Variants in GRIK2 observed in about 807,000 individuals in gnomAD.
The protein encoded by GRIK2 is glutamate receptor ionotropic, kainate 2.
Under a neutral mutation model 100.3 loss-of-function variants are expected in GRIK2, and 32 were observed. That is an observed-to-expected ratio of 0.32 (90% CI 0.24 to 0.43). The LOEUF (loss-of-function observed/expected upper bound fraction) is 0.43, where lower values mean the gene tolerates loss of function less well. Among genes scored for constraint, GRIK2 ranks in the 20% least tolerant of loss-of-function variants. The pLI, the probability that GRIK2 is intolerant of heterozygous loss-of-function variation, is 1.00. For missense variants in GRIK2, 843 were observed against 1,114.9 expected, an observed-to-expected ratio of 0.76 and a Z score of 3.47; for synonymous variants, 417 against 389.4, an observed-to-expected ratio of 1.07 and a Z score of -0.83.
intron 7 of GRIK2, among the ~76,000 whole-genome samples, chr6:101,761,087 T>C (rs1272066582): frequency 6.6e-6 from 1 of 152,122 alleles, no homozygotes; most frequent in Non-Finnish European, 1.5e-5. Flanking sequence ...TAATATTGAG[T>C]GTCCTCTTTT....
intron 10 of GRIK2, among the ~76,000 whole-genome samples, chr6:101,833,525 C>A (rs1156514714): frequency 6.6e-6 from 1 of 152,028 alleles, no homozygotes; most frequent in African/African-American, 2.4e-5. Flanking sequence ...ACAGCATTTT[C>A]TTTTATTATT....
chr6:102,007,032 T>G (rs1795278146), intron 14 of GRIK2, among the ~76,000 whole-genome samples: 1 of 152,138 alleles, frequency 6.6e-6, no homozygotes, highest in South Asian at 2.1e-4. Flanking sequence ...GAACCTATTA[T>G]GTATAAAAAG....
chr6:101,399,438 C>T (rs373120751), intron 2 of GRIK2, 46 bp downstream of exon 2: 38 of 947,226 alleles, frequency 4.0e-5, no homozygotes, highest in Non-Finnish European at 6.7e-5. Flanking sequence ...CGCTCCCAGG[C>T]AGCCGGATGT....
At chr6:101,472,309 G>C (rs1023613935) in intron 2 of GRIK2, among the ~76,000 whole-genome samples, 1 of 151,430 alleles carries the variant, frequency 6.6e-6, no homozygotes, top group Non-Finnish European at 1.5e-5. Context: ...GTTTGAATTT[G>C]TTTTCCCTGT....
rs1772173448 is a variant in GRIK2, at chr6:102,069,649, T to C, written c.*1138T>C. ...TGAACAGTTTTTTTTCAAAAAATGT[T>C]CAGGTTTATTTGTGGAAATGCAAGA... On this transcript the variant is annotated 3_prime_UTR_variant, in exon 17 of 17. Transcript: ENST00000369134. 6.6e-6 allele frequency: 1 copy of C among 151,912 alleles called. No individual in the cohort carries two copies. The highest frequency in any genetic ancestry group is 6.6e-5 in the Admixed American group (1 of 15,182). The allele number at this position is 151,912 out of a possible 1,614,324, so 9.4% of individuals were successfully genotyped here. A position where few individuals can be genotyped will look rare whatever the true frequency, so the allele number is the denominator to read the frequency against.
intron 12 of GRIK2, among the ~76,000 whole-genome samples, chr6:101,903,724 G>A (rs1788030525): frequency 6.6e-6 from 1 of 151,302 alleles, no homozygotes; most frequent in Non-Finnish European, 1.5e-5. Context: ...ATTTTGATGT[G>A]GGATATTCAA....
At chr6:101,737,056 T>C (rs1412309604) in intron 7 of GRIK2, among the ~76,000 whole-genome samples, 1 of 152,106 alleles carries the variant, frequency 6.6e-6, no homozygotes, top group Non-Finnish European at 1.5e-5. Flanking sequence ...TTTCTCCAGT[T>C]CCCAACAAGT....
chr6:101,832,169 A>C (rs1782741789), intron 10 of GRIK2, among the ~76,000 whole-genome samples: 1 of 152,082 alleles, frequency 6.6e-6, no homozygotes, highest in Non-Finnish European at 1.5e-5. Flanking sequence ...ATTTCTTTTT[A>C]TATAATTTCT....
At chr6:101,539,948 C>T (rs897322184) in intron 2 of GRIK2, among the ~76,000 whole-genome samples, 37 of 151,840 alleles carry the variant, frequency 2.4e-4, no homozygotes, top group African/African-American at 5.3e-4. Flanking sequence ...TAAGATTCAT[C>T]GATTCATATT....
intron 2 of GRIK2, among the ~76,000 whole-genome samples, chr6:101,586,293 G>A (rs534415366): frequency 1.5e-3 from 223 of 147,772 alleles, no homozygotes; most frequent in Non-Finnish European, 2.2e-3. Context: ...AGTATGAATC[G>A]AAAAAAAAAA....
chr6:102,045,937 T>C (rs141777643), intron 15 of GRIK2, among the ~76,000 whole-genome samples: 1 of 152,062 alleles, frequency 6.6e-6, no homozygotes, highest in Non-Finnish European at 1.5e-5. Flanking sequence ...AAAGATCAAA[T>C]TACATGTTGC....
At chr6:102,062,461 A>G (rs1033326363) in intron 16 of GRIK2, among the ~76,000 whole-genome samples, 3 of 150,066 alleles carry the variant, frequency 2.0e-5, no homozygotes, top group Admixed American at 1.3e-4. Flanking sequence ...AGTTAGATAT[A>G]TAACTTGACT....
intron 12 of GRIK2, among the ~76,000 whole-genome samples, chr6:101,901,022 A>G (rs1415815054): frequency 1.3e-5 from 2 of 152,110 alleles, no homozygotes; most frequent in East Asian, 3.9e-4. Flanking sequence ...ATTTACTGCT[A>G]TTAAAATCCT....
rs6905336 is a variant in GRIK2, at chr6:101,967,462, C to A, written c.2085+38830C>A. On this transcript the variant is annotated intron_variant, in intron 14 of 16. Transcript: ENST00000369134. The stretch of plus-strand genomic sequence containing the variant: ...AGCACTTTTTAAAAATAAATTATAA[C>A]AGTGATTCTTTAGCTTAAGAGATGC... 1.5e-3 allele frequency among the ~76,000 whole-genome samples: 235 copies of A among 152,092 alleles called. 1 individual carries two copies. Among genetic ancestry groups the A allele is most frequent in the African/African-American group, 5.4e-3 (225 of 41,512 alleles).
chr6:101,726,604 A>G (rs538941698), intron 7 of GRIK2, among the ~76,000 whole-genome samples: 193 of 152,112 alleles, frequency 1.3e-3, no homozygotes, highest in African/African-American at 1.9e-3. Flanking sequence ...AAAGTAGAAC[A>G]TACATCCAAA....
chr6:101,725,590 T>C (rs1458807258), intron 7 of GRIK2, among the ~76,000 whole-genome samples: 1 of 152,070 alleles, frequency 6.6e-6, no homozygotes, highest in Non-Finnish European at 1.5e-5. Context: ...GAGTAAATCA[T>C]CTCAGAAAAG....
chr6:101,665,645 A>G (rs1222604649), intron 4 of GRIK2, among the ~76,000 whole-genome samples: 2 of 152,228 alleles, frequency 1.3e-5, no homozygotes, highest in African/African-American at 4.8e-5. Context: ...GGATATACAA[A>G]TATATAGGAG....
chr6:101,586,241 T>TA (rs1335176057), intron 2 of GRIK2, among the ~76,000 whole-genome samples: 1 of 150,982 alleles, frequency 6.6e-6, no homozygotes, highest in Non-Finnish European at 1.5e-5. Flanking sequence ...GAACAGAGAC[T>TA]AAAAAATAAC....
intron 14 of GRIK2, among the ~76,000 whole-genome samples, chr6:102,021,050 T>C (rs937587148): frequency 6.6e-6 from 1 of 151,884 alleles, no homozygotes; most frequent in African/African-American, 2.4e-5. Context: ...AACACTCATA[T>C]GGGAAGTAAA....
Sources: gnomAD v4.1 joint callset for allele counts (sites outside exome capture counted in the v4.1 genomes callset) on GRCh38, gnomAD v4.1.1 for gene constraint, MANE v1.5 for transcripts, NCBI Gene and HGNC (gene_info 2026-07-23, HGNC 2026-07-21) for gene names.